MYO18B: variants seen among roughly 807,000 people sequenced by gnomAD.
MYO18B encodes the protein unconventional myosin-XVIIIb.
A neutral mutation model predicts 273.0 loss-of-function variants in MYO18B; 204 were observed. The observed-to-expected ratio is 0.75, with a 90% CI of 0.67 to 0.84. MYO18B has a LOEUF of 0.84. MYO18B is among the 40% of genes least tolerant of loss of function. The pLI is 0.00. For synonymous variants in MYO18B, 1,330 were observed against 1,305.7 expected (o/e 1.02, Z -0.40); for missense variants, 3,212 against 3,287.6 (o/e 0.98, Z 0.56).
Position 25,956,228 on chromosome 22 carries a change from T to C in MYO18B, c.6156+864T>C, listed in dbSNP as rs76898181. 6.7e-3 allele frequency among the ~76,000 whole-genome samples: 985 copies of C among 148,036 alleles called. 20 individuals are homozygous for C. The highest frequency in any genetic ancestry group is 0.023 in the African/African-American group (897 of 39,358). On this transcript the variant is annotated intron_variant, in intron 39 of 43. Transcript: ENST00000335473. ...CCGAGGAACCTTTTTTTTTTTTTTT[T>C]CCCTGGAGACAGAGTCTTGCACTGT... is the stretch of plus-strand genomic sequence containing the variant.
At chr22:25,970,895 A>G (rs941558423) in intron 39 of MYO18B, among the ~76,000 whole-genome samples, 1 of 152,152 alleles carries the variant, frequency 6.6e-6, no homozygotes, top group Non-Finnish European at 1.5e-5. Context: ...AAGAAAAAAG[A>G]CTGATGTCAC....
chr22:25,966,276 G>A (rs2092977057), intron 39 of MYO18B, among the ~76,000 whole-genome samples: 1 of 151,932 alleles, frequency 6.6e-6, no homozygotes, highest in Non-Finnish European at 1.5e-5. Context: ...TTTTTCATTT[G>A]CTTTAATTTT....
intron 21 of MYO18B, among the ~76,000 whole-genome samples, chr22:25,859,386 A>G (rs1441439623): frequency 6.6e-6 from 1 of 152,170 alleles, no homozygotes; most frequent in East Asian, 1.9e-4. Context: ...GCATTCTTGG[A>G]GGAGAATTGC....
chr22:25,749,548 C>T (rs533811660), intron 1 of MYO18B, among the ~76,000 whole-genome samples: 1 of 152,304 alleles, frequency 6.6e-6, no homozygotes, highest in South Asian at 2.1e-4. Context: ...CAGAGCCTTC[C>T]ATTGGCCAAA....
At position 25,874,433 on chromosome 22, in the gene MYO18B, A is replaced by C. The variant is rs760591498; in HGVS notation, c.4080+19A>C. 3 of 1,608,142 alleles carry C rather than the reference A, an allele frequency of 1.9e-6. No individual in the cohort carries two copies. The East Asian group carries it at 6.7e-5, about 36-fold the overall frequency. The stretch of plus-strand genomic sequence containing the variant: ...GCTGAAGGTACTGCATGCCGTTCCC[A>C]TGAGGAGTCTGATCCAACGGGTCTG... On this transcript the variant is annotated intron_variant, in intron 23 of 43. Transcript: ENST00000335473.
In MYO18B at chr22:25,823,653, C is replaced by A. The variant is rs2089373253; in HGVS notation, c.2670C>A (p.Gly890=). ...TGACGTTTGGGCCAAGCCGATGGGG[C>A]CTCGAGGATGAGGAAACCAGCTCAG... ...QQMTFGPSRW[G]LEDEETSSGL... The change falls in exon 13 of 44, where the codon GGC becomes GGA. Residue 890 remains glycine (G), a synonymous_variant. Coordinates refer to ENST00000335473, the MANE Select transcript of MYO18B (RefSeq NM_032608.7). The A allele has an allele frequency of 6.2e-7, 1 of 1,613,850 alleles. No homozygotes were observed.
At chr22:25,961,417 G>A (rs935009392) in intron 39 of MYO18B, among the ~76,000 whole-genome samples, 3 of 152,128 alleles carry the variant, frequency 2.0e-5, no homozygotes, top group Admixed American at 6.5e-5. Context: ...CAGATGTTGA[G>A]GACTGCTGTA....
Position 26,026,770 on chromosome 22 carries a change from C to T in MYO18B, c.6796C>T (p.Gln2266Ter). The T allele has an allele frequency of 1.9e-6, 3 of 1,609,606 alleles. No individual in the cohort carries two copies. Among genetic ancestry groups the T allele is most frequent in the Non-Finnish European group, 1.7e-6 (2 of 1,177,970 alleles). The change falls in exon 43 of 44, where the codon CAG (glutamine) becomes TAG (stop). Residue 2266 changes from glutamine to a stop codon, truncating the protein, a stop_gained. Transcript: ENST00000335473. LOFTEE classifies it high-confidence loss of function. The stretch of plus-strand genomic sequence containing the variant: ...CCGGAGGAAGAGAGCCCAGAGAGGC[C>T]AGGGGTCCACGCTGGGCCTAGAGGA... ...GLRRKRAQRG[Q>*]GSTLGLEDWP...
intron 42 of MYO18B, among the ~76,000 whole-genome samples, chr22:26,022,812 T>A (rs553993824): frequency 1.3e-5 from 2 of 152,234 alleles, no homozygotes; most frequent in Non-Finnish European, 2.9e-5. Context: ...TTGGCTTCCA[T>A]GCCTTGTAGA....
At position 25,744,727 on chromosome 22, in the gene MYO18B, C is replaced by T. The variant is rs188138277; in HGVS notation, c.-110+2434C>T. ...CCAGCCTGGGGACAGAGAGAGACTC[C>T]GTCTCAAAAATAAAAATAAAAATAA... On this transcript the variant is annotated intron_variant, in intron 1 of 43. Coordinates refer to ENST00000335473, the MANE Select transcript of MYO18B (RefSeq NM_032608.7). 1.6e-4 allele frequency among the ~76,000 whole-genome samples: 24 copies of T among 151,974 alleles called. 1 individual carries two copies. The highest frequency in any genetic ancestry group is 7.7e-4 in the East Asian group (4 of 5,166).
At chr22:25,963,178 TCACACACACACACACA>T (rs1555968886) in intron 39 of MYO18B, among the ~76,000 whole-genome samples, 1 of 144,180 alleles carries the variant, frequency 6.9e-6, no homozygotes, top group African/African-American at 2.6e-5. Context: ...TCTCTCTCTC[TCACACACACACACACA>T]CACACACACA....
At chr22:25,763,858 A>G (rs2086413563) in intron 3 of MYO18B, among the ~76,000 whole-genome samples, 1 of 152,248 alleles carries the variant, frequency 6.6e-6, no homozygotes, top group Non-Finnish European at 1.5e-5. Context: ...ATTTTTATAG[A>G]AAAGGAAACC....
In MYO18B at chr22:25,785,366, C is replaced by T. The variant is rs535427750; in HGVS notation, c.2313-62C>T. On this transcript the variant is annotated intron_variant, in intron 10 of 43. Coordinates refer to ENST00000335473, the MANE Select transcript of MYO18B (RefSeq NM_032608.7). ...GTGGAGCCTCACACTGTGACGACCA[C>T]CTGCCCTGCCAGGGCTGGTGTGGAC... 1.6e-5 allele frequency: 24 copies of T among 1,524,834 alleles called. No homozygotes were observed. In the African/African-American group the frequency reaches 2.6e-4, roughly 17 times the overall value. The allele number at this position is 1,524,834 out of a possible 1,614,324, so 94.5% of individuals were successfully genotyped here. A position where few individuals can be genotyped will look rare whatever the true frequency, so the allele number is the denominator to read the frequency against.
chr22:25,990,434 C>T, intron 39 of MYO18B, among the ~76,000 whole-genome samples: 1 of 152,020 alleles, frequency 6.6e-6, no homozygotes, highest in African/African-American at 2.4e-5. Context: ...GCCTGTAATT[C>T]CAGCACTTTG....
intron 31 of MYO18B, 77 bp from the exon 32 acceptor site, chr22:25,908,245 G>A (rs2146370864): frequency 8.7e-7 from 1 of 1,147,832 alleles, no homozygotes; most frequent in African/African-American, 1.5e-5. Flanking sequence ...AATGCAATTG[G>A]AATGCCAAGG....
chr22:25,829,627 T>A (rs1041586808), intron 15 of MYO18B, among the ~76,000 whole-genome samples: 3 of 150,584 alleles, frequency 2.0e-5, no homozygotes, highest in Admixed American at 1.3e-4. Context: ...TCACCTGAGG[T>A]CAGGAGTTCA....
chr22:25,832,790 T>A (rs2089757587), intron 15 of MYO18B, 127 bp from the exon 16 acceptor site: 2 of 776,518 alleles, frequency 2.6e-6, no homozygotes, highest in South Asian at 3.8e-5. Flanking sequence ...TGCCAAAATT[T>A]AAAAAAACGA....
At chr22:25,928,448 G>A (rs370122468) in intron 34 of MYO18B, among the ~76,000 whole-genome samples, 35 of 146,952 alleles carry the variant, frequency 2.4e-4, no homozygotes, top group African/African-American at 7.4e-4. Flanking sequence ...CTAAATCACA[G>A]GAGCCCTGAT....
chr22:25,772,483 G>T lies in MYO18B; in HGVS notation c.1842G>T (p.Arg614=). Residue 614 remains arginine, a synonymous_variant, in exon 7 of 44, where the codon CGG becomes CGT. Coordinates refer to ENST00000335473, the MANE Select transcript of MYO18B (RefSeq NM_032608.7). ...TGPDLIVLQP[R]GPSVPSAGKV... ...CTGATCTGATTGTCCTCCAGCCCCGGGGGCCCTCGGTGCCTTCTGCAGGGA... is the reference window on the plus strand; with the variant it reads ...CTGATCTGATTGTCCTCCAGCCCCGTGGGCCCTCGGTGCCTTCTGCAGGGA... 1 of 1,613,946 alleles carries T rather than the reference G, an allele frequency of 6.2e-7. No homozygotes were observed. Among genetic ancestry groups the T allele is most frequent in the Non-Finnish European group, 8.5e-7 (1 of 1,179,906 alleles).
Sources: gnomAD v4.1 joint callset for allele counts (sites outside exome capture counted in the v4.1 genomes callset) on GRCh38, gnomAD v4.1.1 for gene constraint, MANE v1.5 for transcripts, NCBI Gene and HGNC (gene_info 2026-07-23, HGNC 2026-07-21) for gene names.